The following FBLN1 variants were observed in gnomAD, a reference collection of about 807,000 sequenced individuals.
FBLN1 encodes the protein fibulin-1.
A neutral mutation model predicts 89.7 loss-of-function variants in FBLN1; 34 were observed. The ratio of observed to expected loss-of-function variants is 0.38; its 90% confidence interval spans 0.29 to 0.50. The LOEUF (loss-of-function observed/expected upper bound fraction) is 0.50. Ranked by LOEUF, FBLN1 falls within the 20% of genes least tolerant of loss-of-function variation. FBLN1 has a pLI of 0.92. For missense variants in FBLN1, 777 were observed against 988.1 expected (o/e 0.79, Z 2.86); for synonymous variants, 393 against 391.3 (o/e 1.00, Z -0.05).
At chr22:45,513,307 C>CTTT (rs34166807) in intron 1 of FBLN1, among the ~76,000 whole-genome samples, 2 of 141,108 alleles carry the variant, frequency 1.4e-5, no homozygotes, top group Non-Finnish European at 1.5e-5. Flanking sequence ...TAACCATTTC[C>CTTT]TTTTTTTTTT....
At position 45,590,299 on chromosome 22, in the gene FBLN1, G is replaced by A. The variant is rs536403419; in HGVS notation, c.1973-10008G>A. ...GTAGCCTTCACTCCGGAAGGCAGAG[G>A]GCAGGACTTGGCCCCTCTGGTGTGC... On this transcript the variant is annotated intron_variant, in intron 16 of 16. Transcript: ENST00000327858. This position sits in a 1 kb window ranked among gnomAD's most constrained non-coding sequence, Gnocchi z 4.1. Among the ~76,000 whole-genome samples, 8 of 152,358 alleles carry A rather than the reference G, an allele frequency of 5.3e-5. No homozygotes were observed. Among genetic ancestry groups the A allele is most frequent in the Non-Finnish European group, 7.3e-5 (5 of 68,032 alleles).
At chr22:45,591,418 C>A (rs1335996325) in intron 16 of FBLN1, among the ~76,000 whole-genome samples, 1 of 129,664 alleles carries the variant, frequency 7.7e-6, no homozygotes, top group East Asian at 2.0e-4. Flanking sequence ...GGGAAAGGTG[C>A]ACCCTGAAAC....
chr22:45,590,182 C>T lies in FBLN1; in HGVS notation c.1973-10125C>T, dbSNP rs879533069. Among the ~76,000 whole-genome samples, 1 of 152,214 alleles carries T rather than the reference C, an allele frequency of 6.6e-6. No homozygotes were observed. The highest frequency in any genetic ancestry group is 1.5e-5 in the Non-Finnish European group (1 of 68,034). On this transcript the variant is annotated intron_variant, in intron 16 of 16. Coordinates refer to ENST00000327858, the MANE Select transcript of FBLN1 (RefSeq NM_006486.3). The surrounding 1 kb of genome is among the most constrained non-coding windows in gnomAD (Gnocchi z 4.1). ...TGACCTGCAGGCCTGGGGCTCAGGA[C>T]CCCCTCTCTGCACTCAAGGGCTGCC... is the stretch of plus-strand genomic sequence containing the variant.
In FBLN1 at chr22:45,531,579, T is replaced by C. The variant is rs973466049; in HGVS notation, c.544+255T>C. ...CAAGGAATCTCGGTGCTGATCTCACTGGAAGTTGGAATCCAGGTTTTGCTT... is the reference window on the plus strand; with the variant it reads ...CAAGGAATCTCGGTGCTGATCTCACCGGAAGTTGGAATCCAGGTTTTGCTT... On this transcript the variant is annotated intron_variant, in intron 5 of 16. Transcript: ENST00000327858. This position sits in a 1 kb window ranked among gnomAD's most constrained non-coding sequence, Gnocchi z 4.9. Among the ~76,000 whole-genome samples, 1 of 152,160 alleles carries C rather than the reference T, an allele frequency of 6.6e-6. No individual in the cohort carries two copies. The highest frequency in any genetic ancestry group is 1.9e-4 in the East Asian group (1 of 5,196).
intron 16 of FBLN1, among the ~76,000 whole-genome samples, chr22:45,595,711 T>G (rs2089178291): frequency 2.0e-5 from 3 of 152,310 alleles, no homozygotes; most frequent in Admixed American, 2.0e-4. Flanking sequence ...TGCTGTATGT[T>G]TCTAAGAATT....
chr22:45,533,402 A>C (rs1158180697), intron 6 of FBLN1, among the ~76,000 whole-genome samples: 1 of 152,152 alleles, frequency 6.6e-6, no homozygotes, highest in African/African-American at 2.4e-5. Flanking sequence ...GTTGGGGTCT[A>C]ACCAGGTTCC....
At chr22:45,512,669 G>C (rs1434644039) in intron 1 of FBLN1, among the ~76,000 whole-genome samples, 1 of 152,204 alleles carries the variant, frequency 6.6e-6, no homozygotes, top group Non-Finnish European at 1.5e-5. Flanking sequence ...CAGCCAGGGT[G>C]GGGCTGGACC....
In FBLN1 at chr22:45,600,250, T is replaced by G. The variant is rs531088297; in HGVS notation, c.1973-57T>G. Reference sequence around the variant, plus strand: ...TCCTCAAGGGAAACCATTTCCCAGATCTCTACGTTGCTGCAGTCCCTTCTA... The same window carrying G: ...TCCTCAAGGGAAACCATTTCCCAGAGCTCTACGTTGCTGCAGTCCCTTCTA... On this transcript the variant is annotated intron_variant, in intron 16 of 16. Coordinates refer to ENST00000327858, the MANE Select transcript of FBLN1 (RefSeq NM_006486.3). 85 of 1,610,832 alleles carry G rather than the reference T, an allele frequency of 5.3e-5. 1 individual carries two copies. The highest frequency in any genetic ancestry group is 3.0e-4 in the South Asian group (27 of 91,000).
rs1052250596 is a variant in FBLN1 at position 45,563,893 on chromosome 22, G to A, written c.1698-10618G>A. 1.3e-5 allele frequency among the ~76,000 whole-genome samples: 2 copies of A among 152,218 alleles called. No individual in the cohort carries two copies. The highest frequency in any genetic ancestry group is 2.9e-5 in the Non-Finnish European group (2 of 68,040). ...GCCCAAATCTGTGGTGCAGAAACAC[G>A]GGATGCGGTTGCGGCTCCTAGGATG... On this transcript the variant is annotated intron_variant, in intron 14 of 16. Coordinates refer to ENST00000327858, the MANE Select transcript of FBLN1 (RefSeq NM_006486.3). The surrounding 1 kb of genome is among the most constrained non-coding windows in gnomAD (Gnocchi z 5.7).
rs375513447 is a variant in FBLN1 at position 45,550,071 on chromosome 22, G to A, written c.1574-421G>A. ...TATGGACTCTGATGCCAGCCTGCCCGGGTTCAAAGCTCAGCTCTGACATTT... is the reference window on the plus strand; with the variant it reads ...TATGGACTCTGATGCCAGCCTGCCCAGGTTCAAAGCTCAGCTCTGACATTT... On this transcript the variant is annotated intron_variant, in intron 13 of 16. Transcript: ENST00000327858. The surrounding 1 kb of genome is among the most constrained non-coding windows in gnomAD (Gnocchi z 8.4). Among the ~76,000 whole-genome samples, 133 of 151,442 alleles carry A rather than the reference G, an allele frequency of 8.8e-4. No homozygotes were observed. The highest frequency in any genetic ancestry group is 3.1e-3 in the African/African-American group (128 of 41,448).
chr22:45,589,983 T>A (rs927118328), intron 16 of FBLN1, among the ~76,000 whole-genome samples: 1 of 152,196 alleles, frequency 6.6e-6, no homozygotes, highest in Non-Finnish European at 1.5e-5. Context: ...GAGATTTGCT[T>A]ACCTTTATCA....
rs1223392787 is a variant in FBLN1 at position 45,562,872 on chromosome 22, C to T, written c.1698-11639C>T. The T allele has an allele frequency of 1.3e-6, 2 of 1,596,474 alleles. No homozygotes were observed. The highest frequency in any genetic ancestry group is 1.7e-6 in the Non-Finnish European group (2 of 1,168,176). On this transcript the variant is annotated intron_variant, in intron 14 of 16. Coordinates refer to ENST00000327858, the MANE Select transcript of FBLN1 (RefSeq NM_006486.3). This position sits in a 1 kb window ranked among gnomAD's most constrained non-coding sequence, Gnocchi z 7.8. ...CCGTTTCTCCGCTTGCTGGACCGGC[C>T]CTAACCCTCTTCTTGTCTCTCTGCC... is the stretch of plus-strand genomic sequence containing the variant.
In FBLN1 at chr22:45,573,112, G is replaced by A. The variant is rs1341600806; in HGVS notation, c.1698-1399G>A. 2.0e-5 allele frequency among the ~76,000 whole-genome samples: 3 copies of A among 152,242 alleles called. No homozygotes were observed. The East Asian group carries it at 5.8e-4, about 30-fold the overall frequency. On this transcript the variant is annotated intron_variant, in intron 14 of 16. Transcript: ENST00000327858. Reference sequence around the variant, plus strand: ...ATGATGGTGCATGCCTGTAATCCCAGCTACTTGGGAGGCTGAGGCAGGAGA... The same window carrying A: ...ATGATGGTGCATGCCTGTAATCCCAACTACTTGGGAGGCTGAGGCAGGAGA...
intron 10 of FBLN1, among the ~76,000 whole-genome samples, chr22:45,543,045 T>G (rs1036307875): frequency 6.6e-6 from 1 of 152,112 alleles, no homozygotes; most frequent in Non-Finnish European, 1.5e-5. Context: ...GGCAGGTGAA[T>G]CACTTGAGGT....
At chr22:45,538,230 A>T (rs1464366623) in intron 8 of FBLN1, among the ~76,000 whole-genome samples, 1 of 152,210 alleles carries the variant, frequency 6.6e-6, no homozygotes, top group Non-Finnish European at 1.5e-5. Flanking sequence ...GGATGCTGGG[A>T]TGAGGATGGG....
intron 2 of FBLN1, among the ~76,000 whole-genome samples, chr22:45,519,457 C>T (rs2088218281): frequency 6.6e-6 from 1 of 151,726 alleles, no homozygotes; most frequent in East Asian, 2.0e-4. Context: ...CCCGTCTCTA[C>T]TAAAAATACA....
intron 16 of FBLN1, among the ~76,000 whole-genome samples, chr22:45,585,839 A>G (rs5765507): frequency 0.36 from 54,358 of 151,810 alleles, 11,577 homozygotes; most frequent in Admixed American, 0.52. Context: ...ATGGGCTCTG[A>G]GGCATCAGAG....
chr22:45,518,916 G>A (rs2088209110), intron 2 of FBLN1, 129 bp downstream of exon 2: 1 of 869,500 alleles, frequency 1.2e-6, no homozygotes, highest in African/African-American at 1.7e-5. Flanking sequence ...CATCCAGGCT[G>A]CGGGTGCTGC....
intron 4 of FBLN1, among the ~76,000 whole-genome samples, chr22:45,528,346 CT>C (rs527926411): frequency 0.039 from 5,825 of 147,694 alleles, 123 homozygotes; most frequent in Middle Eastern, 0.066. Flanking sequence ...ATGTTAATCT[CT>C]TTTTTTTTTT....
Sources: allele counts gnomAD v4.1 joint callset (sites outside exome capture counted in the v4.1 genomes callset), GRCh38; gene constraint gnomAD v4.1.1; non-coding constraint Gnocchi (gnomAD v3.1); transcripts MANE v1.5; gene names NCBI Gene and HGNC (gene_info 2026-07-23, HGNC 2026-07-21).